ZCCHC2: variants seen among roughly 807,000 people sequenced by gnomAD.
ZCCHC2 encodes zinc finger CCHC-type containing 2.
A neutral mutation model predicts 103.6 loss-of-function variants in ZCCHC2; 39 were observed. The ratio of observed to expected loss-of-function variants is 0.38; its 90% CI spans 0.29 to 0.49. The LOEUF is 0.49. ZCCHC2 is among the 20% of genes least tolerant of loss of function. The probability of loss-of-function intolerance (pLI) is 0.96; values close to 1 mark genes in which losing one functional copy is unlikely to be tolerated. For synonymous variants in ZCCHC2, 687 were observed against 608.9 expected (o/e 1.13, Z -1.89); for missense variants, 1,483 against 1,491.0 (o/e 0.99, Z 0.09).
chr18:62,577,321 C>T lies in ZCCHC2; in HGVS notation c.*742C>T, dbSNP rs1222407675. 1 of 152,242 alleles carries T rather than the reference C, an allele frequency of 6.6e-6. No homozygotes were observed. The highest frequency in any genetic ancestry group is 1.5e-5 in the Non-Finnish European group (1 of 68,020). The allele number at this position is 152,242 out of a possible 1,614,324, so 9.4% of individuals were successfully genotyped here. On this transcript the variant is annotated 3_prime_UTR_variant, in exon 14 of 14. Transcript: ENST00000269499. ...AATGGACAAAAAGCTTTTTCTGAAA[C>T]CAACTTTTTACTTCCATCATCCTTT...
chr18:62,571,261 C>T (rs969746036), intron 12 of ZCCHC2, among the ~76,000 whole-genome samples: 2 of 152,100 alleles, frequency 1.3e-5, no homozygotes, highest in Non-Finnish European at 2.9e-5. Flanking sequence ...AACTCGAAAC[C>T]CATACTCCTA....
chr18:62,569,998 G>A, intron 11 of ZCCHC2, 105 bp from the exon 12 acceptor site: 1 of 1,132,692 alleles, frequency 8.8e-7, no homozygotes, highest in Non-Finnish European at 1.2e-6. Flanking sequence ...ATGGTTGTGG[G>A]GAAACTGAAG....
At chr18:62,534,117 A>C (rs756049382) in intron 1 of ZCCHC2, among the ~76,000 whole-genome samples, 1 of 151,978 alleles carries the variant, frequency 6.6e-6, no homozygotes, top group African/African-American at 2.4e-5. Flanking sequence ...AAATCAGACT[A>C]TTAGCAGCCT....
rs1598921211 is a variant in ZCCHC2 at position 62,524,546 on chromosome 18, C to T, written c.939+183C>T. On this transcript the variant is annotated intron_variant, in intron 1 of 13. Transcript: ENST00000269499. Reference sequence around the variant, plus strand: ...TCTCGCTGGGCCGCTCCGTTCCACTCCCCCACCCCACCCCACACCCCGGCA... The same window carrying T: ...TCTCGCTGGGCCGCTCCGTTCCACTTCCCCACCCCACCCCACACCCCGGCA... 6.3e-6 allele frequency: 6 copies of T among 947,246 alleles called. No individual in the cohort carries two copies. The East Asian group carries it at 1.3e-4, about 20-fold the overall frequency. The allele number at this position is 947,246 out of a possible 1,614,324, so 58.7% of individuals were successfully genotyped here.
At chr18:62,556,423 G>A in intron 6 of ZCCHC2, 126 bp downstream of exon 6, 1 of 717,310 alleles carries the variant, frequency 1.4e-6, no homozygotes, top group South Asian at 2.4e-5. Context: ...CATTTTTAAT[G>A]TCATTTTTAA....
chr18:62,567,930 A>ATGAG (rs369262602), intron 11 of ZCCHC2, among the ~76,000 whole-genome samples: 10 of 118,482 alleles, frequency 8.4e-5, no homozygotes, highest in Non-Finnish European at 1.4e-4. Context: ...GGGCGACAGA[A>ATGAG]TGAGACTCTG....
In ZCCHC2 at chr18:62,556,309, CT is replaced by C. The variant is rs769334498; in HGVS notation, c.1408+13del. 6.4e-7 allele frequency: 1 copy of C among 1,556,590 alleles called. No individual in the cohort carries two copies. Among genetic ancestry groups the C allele is most frequent in the Non-Finnish European group, 8.7e-7 (1 of 1,146,670 alleles). On this transcript the variant is annotated intron_variant, in intron 6 of 13. Coordinates refer to ENST00000269499, the MANE Select transcript of ZCCHC2 (RefSeq NM_017742.6). ...CCTACACAGTATCAGTAAGCATCCT[CT>C]GTCCCTCTGTGGAAATCTTTTTTCT...
intron 11 of ZCCHC2, among the ~76,000 whole-genome samples, chr18:62,565,365 G>T (rs912061712): frequency 6.6e-6 from 1 of 152,150 alleles, no homozygotes; most frequent in African/African-American, 2.4e-5. Flanking sequence ...CTCCCAGGTT[G>T]TTCTTCTCCA....
chr18:62,580,182 GTTC>G (rs1447169580), downstream of ZCCHC2, among the ~76,000 whole-genome samples: 1 of 152,144 alleles, frequency 6.6e-6, no homozygotes, highest in African/African-American at 2.4e-5. Context: ...TTGATGTTGT[GTTC>G]TTATATTTAT....
Position 62,574,280 on chromosome 18 carries a change from T to C in ZCCHC2, c.2199T>C (p.Ser733=). The C allele has an allele frequency of 1.2e-6, 2 of 1,614,060 alleles. No homozygotes were observed. Among genetic ancestry groups the C allele is most frequent in the Non-Finnish European group, 1.7e-6 (2 of 1,179,904 alleles). The change falls in exon 13 of 14, where the codon TCT becomes TCC. Residue 733 remains serine, a synonymous_variant. Transcript: ENST00000269499. ...TCATGCACAATGGTGCCCAGAAGTCTGAAGTTGTCGTTCCTGCACCCAAAC... is the reference window on the plus strand; with the variant it reads ...TCATGCACAATGGTGCCCAGAAGTCCGAAGTTGTCGTTCCTGCACCCAAAC... ...HCVMHNGAQK[S]EVVVPAPKPA...
rs780660976 is a variant in ZCCHC2 at position 62,523,470 on chromosome 18, C to T, written c.46C>T (p.Pro16Ser). ...GCTGAAGCCAACGCACCCCGCGGAG[C>T]CGCCGCCCGAGGCGGAGGAGCCCGA... ...LPLKPTHPAE[P>S]PPEAEEPEAD... The change falls in exon 1 of 14, where the codon CCG (proline) becomes TCG (serine). Residue 16 changes from proline (P) to serine (S), a missense_variant. By Grantham distance (74) the Pro-to-Ser change is moderately conservative (BLOSUM62 -1). Coordinates refer to ENST00000269499, the MANE Select transcript of ZCCHC2 (RefSeq NM_017742.6). 2 of 1,091,746 alleles carry T rather than the reference C, an allele frequency of 1.8e-6. No individual in the cohort carries two copies. Among genetic ancestry groups the T allele is most frequent in the South Asian group, 4.4e-5 (2 of 45,578 alleles). 67.6% of individuals were successfully genotyped at this position (1,091,746 alleles called of 1,614,324 possible). A position where few individuals can be genotyped will look rare whatever the true frequency, so the allele number is the denominator to read the frequency against.
chr18:62,549,483 A>G (rs902465380), intron 4 of ZCCHC2, among the ~76,000 whole-genome samples: 1 of 152,228 alleles, frequency 6.6e-6, no homozygotes, highest in Non-Finnish European at 1.5e-5. Context: ...CAATATGTAA[A>G]TCAACAATTT....
At chr18:62,527,068 G>A (rs1216849802) in intron 1 of ZCCHC2, 1 of 130,652 alleles carries the variant, frequency 7.7e-6, no homozygotes, top group East Asian at 2.2e-4. Flanking sequence ...AATTTTAATT[G>A]GGAGTCATTC....
At chr18:62,526,721 G>A (rs1386223987) in intron 1 of ZCCHC2, among the ~76,000 whole-genome samples, 2 of 152,072 alleles carry the variant, frequency 1.3e-5, no homozygotes, top group African/African-American at 4.8e-5. Flanking sequence ...ACCCGCCTTA[G>A]GGGCTCGGAG....
chr18:62,585,546 C>T (rs145821356), exon 15 of ZCCHC2: 15 of 151,730 alleles, frequency 9.9e-5, no homozygotes, highest in African/African-American at 2.7e-4. Flanking sequence ...CTATTGGAGT[C>T]ACGTCATATT....
intron 8 of ZCCHC2, among the ~76,000 whole-genome samples, chr18:62,561,300 C>T (rs1370990894): frequency 1.3e-5 from 2 of 152,186 alleles, no homozygotes; most frequent in African/African-American, 2.4e-5. Flanking sequence ...AGTTACTTTC[C>T]GTGAGCTTTT....
intron 13 of ZCCHC2, among the ~76,000 whole-genome samples, chr18:62,576,266 A>T (rs1023681873): frequency 2.0e-5 from 3 of 152,238 alleles, no homozygotes; most frequent in African/African-American, 4.8e-5. Flanking sequence ...AAACAAAAAA[A>T]GTCTTAAATT....
intron 2 of ZCCHC2, among the ~76,000 whole-genome samples, chr18:62,540,633 C>T (rs1045015770): frequency 2.0e-5 from 3 of 151,950 alleles, no homozygotes; most frequent in East Asian, 1.9e-4. Context: ...ATTGAACATA[C>T]GAATAACCTG....
At position 62,575,068 on chromosome 18, in the gene ZCCHC2, A is replaced by C. The variant is rs1177801340; in HGVS notation, c.2987A>C (p.Asn996Thr). The C allele has an allele frequency of 6.2e-7, 1 of 1,613,988 alleles. No individual in the cohort carries two copies. ...TSYISAVGNT[N>T]ANGTVVPPQQ... Reference sequence around the variant, plus strand: ...TACATCAGTGCTGTGGGGAACACGAACGCTAATGGGACAGTAGTGCCACCG... The same window carrying C: ...TACATCAGTGCTGTGGGGAACACGACCGCTAATGGGACAGTAGTGCCACCG... Residue 996 changes from asparagine to threonine, a missense_variant, in exon 13 of 14, where the codon AAC becomes ACC. Physicochemically the swap from Asn to Thr is moderately conservative, Grantham distance 65. Coordinates refer to ENST00000269499, the MANE Select transcript of ZCCHC2 (RefSeq NM_017742.6).
Sources: gnomAD v4.1 joint callset for allele counts (sites outside exome capture counted in the v4.1 genomes callset) on GRCh38, gnomAD v4.1.1 for gene constraint, MANE v1.5 for transcripts, NCBI Gene and HGNC (gene_info 2026-07-23, HGNC 2026-07-21) for gene names.